GAB3: variants seen among roughly 807,000 people sequenced by gnomAD.
GAB3 encodes GRB2-associated-binding protein 3.
Under a neutral mutation model 40.4 loss-of-function variants are expected in GAB3, and 12 were observed. The observed-to-expected ratio is 0.30, with a 90% CI of 0.19 to 0.48. The LOEUF is 0.48. GAB3 is among the 20% of genes least tolerant of loss of function. GAB3 has a pLI of 0.99. For synonymous variants in GAB3, 154 were observed against 176.7 expected (o/e 0.87, Z 1.02); for missense variants, 381 against 461.9 (o/e 0.82, Z 1.61).
At chrX:154,684,622 G>A (rs1474926466) in intron 8 of GAB3, among the ~76,000 whole-genome samples, 1 of 111,518 alleles carries the variant, frequency 9.0e-6, no homozygotes, top group African/African-American at 3.3e-5. Flanking sequence ...AATTACAGCT[G>A]TATTGATCCT....
At chrX:154,710,950 T>G in intron 4 of GAB3, among the ~76,000 whole-genome samples, 1 of 112,415 alleles carries the variant, frequency 8.9e-6, no homozygotes, top group Non-Finnish European at 1.9e-5. Flanking sequence ...CCACTTTCAT[T>G]TTTCCCTTTT....
rs368872129 is a variant in GAB3, at chrX:154,735,097, T to C, written c.72+15857A>G. On this transcript the variant is annotated intron_variant, in intron 1 of 9. Transcript: ENST00000424127. ...GAAACAGAAATGGCCCCAAACTATA[T>C]ATCCATATCTAATTTTAAATGAGAC... is the stretch of plus-strand genomic sequence containing the variant. 6.3e-4 allele frequency among the ~76,000 whole-genome samples: 71 copies of C among 112,199 alleles called. 1 individual carries two copies. Among genetic ancestry groups the C allele is most frequent in the African/African-American group, 1.8e-3 (57 of 30,850 alleles).
intron 8 of GAB3, among the ~76,000 whole-genome samples, chrX:154,688,440 C>A (rs1194409822): frequency 9.1e-6 from 1 of 109,825 alleles, no homozygotes; most frequent in Admixed American, 9.7e-5. Context: ...CTACCAAGCC[C>A]AGCTAATTTT....
At chrX:154,689,719 G>A (rs2070521962) in intron 8 of GAB3, among the ~76,000 whole-genome samples, 1 of 110,401 alleles carries the variant, frequency 9.1e-6, no homozygotes, top group East Asian at 2.8e-4. Flanking sequence ...GGGATATGAA[G>A]GACCTCTTCA....
chrX:154,683,674 G>GC (rs2070407447), intron 8 of GAB3, among the ~76,000 whole-genome samples: 2 of 112,092 alleles, frequency 1.8e-5, no homozygotes, highest in Admixed American at 1.9e-4. Context: ...AAGTCAAGTT[G>GC]CTTCTTGCCT....
chrX:154,723,029 C>T (rs2071159309), intron 1 of GAB3, among the ~76,000 whole-genome samples: 2 of 111,020 alleles, frequency 1.8e-5, no homozygotes, highest in Admixed American at 1.9e-4. Flanking sequence ...CAGGCATGCA[C>T]CACCATGCCC....
intron 1 of GAB3, among the ~76,000 whole-genome samples, chrX:154,746,285 G>A (rs1557262043): frequency 9.0e-6 from 1 of 111,439 alleles, no homozygotes; most frequent in East Asian, 2.8e-4. Context: ...GCATAAAAAA[G>A]GAAAACTGCA....
intron 8 of GAB3, among the ~76,000 whole-genome samples, chrX:154,694,614 C>T (rs1603423749): frequency 9.0e-6 from 1 of 111,281 alleles, no homozygotes; most frequent in South Asian, 3.8e-4. Context: ...AGGATGGTCT[C>T]GATCTCCTGA....
intron 1 of GAB3, among the ~76,000 whole-genome samples, chrX:154,725,379 T>C (rs782368431): frequency 2.7e-5 from 3 of 111,462 alleles, no homozygotes; most frequent in Non-Finnish European, 5.7e-5. Context: ...ATAAAACCAA[T>C]TAGAAAACTA....
intron 1 of GAB3, among the ~76,000 whole-genome samples, chrX:154,750,036 C>A (rs1331072047): frequency 8.9e-6 from 1 of 112,717 alleles, no homozygotes; most frequent in East Asian, 2.8e-4. Flanking sequence ...GAGTTTGTTC[C>A]TACCACCGTG....
At chrX:154,711,248 A>G (rs2070940128) in intron 4 of GAB3, among the ~76,000 whole-genome samples, 1 of 112,126 alleles carries the variant, frequency 8.9e-6, no homozygotes, top group Non-Finnish European at 1.9e-5. Context: ...AAAGAGAGAG[A>G]AGAAAGAAAA....
chrX:154,694,541 C>T (rs1397614234), intron 8 of GAB3, among the ~76,000 whole-genome samples: 4 of 110,857 alleles, frequency 3.6e-5, no homozygotes, highest in East Asian at 2.8e-4. Context: ...CGCCCGCCAC[C>T]ACGCCTGGCT....
chrX:154,745,559 T>C (rs781849114), intron 1 of GAB3, among the ~76,000 whole-genome samples: 2 of 111,503 alleles, frequency 1.8e-5, no homozygotes, highest in Non-Finnish European at 3.8e-5. Flanking sequence ...GGATGGTTCC[T>C]AAAAACTAAT....
intron 1 of GAB3, among the ~76,000 whole-genome samples, chrX:154,741,442 C>A (rs2148490078): frequency 9.0e-6 from 1 of 110,658 alleles, no homozygotes; most frequent in East Asian, 2.8e-4. Context: ...CTTTGGGAGG[C>A]CGAGGCGGGT....
chrX:154,703,587 CA>C (rs1194645750), intron 4 of GAB3, among the ~76,000 whole-genome samples: 1 of 111,819 alleles, frequency 8.9e-6, no homozygotes, highest in Non-Finnish European at 1.9e-5. Context: ...AAATAGTCAA[CA>C]AACCCCTATG....
Position 154,690,288 on chromosome X carries a change from G to A in GAB3, c.1530+5629C>T, listed in dbSNP as rs782716577. Among the ~76,000 whole-genome samples, 48 of 111,822 alleles carry A rather than the reference G, an allele frequency of 4.3e-4. No homozygotes were observed. The South Asian group carries it at 0.012, about 28-fold the overall frequency. Reference sequence around the variant, plus strand: ...AATTCAAGATGGATTAAAGACTTAAGCGTTAGACCTAAAACCATAAAAGCC... The same window carrying A: ...AATTCAAGATGGATTAAAGACTTAAACGTTAGACCTAAAACCATAAAAGCC... On this transcript the variant is annotated intron_variant, in intron 8 of 9. Transcript: ENST00000424127.
In GAB3 at chrX:154,700,057, C is replaced by T. The variant is rs781895883; in HGVS notation, c.1072G>A (p.Asp358Asn). ...TGTCTTAAGGATTGGCCTTCTACAT[C>T]AGCTGCAAGAAATAAGCCAAGGTGG... ...GLDNMRTWKA[D>N]VEGQSLRHRD... Residue 358 changes from aspartate to asparagine, a missense_variant and splice_region_variant, in exon 5 of 10, where the codon GAT becomes AAT. By Grantham distance (23) the Asp-to-Asn change is conservative. Transcript: ENST00000424127. 8.3e-7 allele frequency: 1 copy of T among 1,206,023 alleles called. No individual in the cohort carries two copies. Among genetic ancestry groups the T allele is most frequent in the Non-Finnish European group, 1.1e-6 (1 of 891,290 alleles).
chrX:154,743,406 C>T (rs1054677946), intron 1 of GAB3, among the ~76,000 whole-genome samples: 2 of 110,757 alleles, frequency 1.8e-5, no homozygotes, highest in African/African-American at 6.6e-5. Flanking sequence ...CTTGAACCTA[C>T]ATAAAGAAAT....
At chrX:154,696,533 C>T (rs1375037272) in intron 7 of GAB3, among the ~76,000 whole-genome samples, 1 of 111,067 alleles carries the variant, frequency 9.0e-6, no homozygotes, top group Non-Finnish European at 1.9e-5. Flanking sequence ...TAGAGTGAAC[C>T]GAGAAACTCC....
Sources: allele counts gnomAD v4.1 joint callset (sites outside exome capture counted in the v4.1 genomes callset), GRCh38; gene constraint gnomAD v4.1.1; transcripts MANE v1.5; gene names NCBI Gene and HGNC (gene_info 2026-07-23, HGNC 2026-07-21).